The following RPIA variants were observed in gnomAD, a reference collection of about 807,000 sequenced individuals.
The protein encoded by RPIA is ribose 5-phosphate isomerase A.
RPIA carries 29 observed loss-of-function variants against 37.8 expected under a neutral mutation model. The ratio of observed to expected loss-of-function variants is 0.77; its 90% CI spans 0.57 to 1.05. The LOEUF is 1.05. Among genes scored for constraint, RPIA ranks in the 50% least tolerant of loss-of-function variants. The probability of loss-of-function intolerance (pLI) is 0.00; values close to 1 mark genes in which losing one functional copy is unlikely to be tolerated. For missense variants in RPIA, 385 were observed against 413.6 expected (o/e 0.93, Z 0.60); for synonymous variants, 167 against 157.0 (o/e 1.06, Z -0.48).
intron 8 of RPIA, among the ~76,000 whole-genome samples, chr2:88,748,394 T>C (rs1231601018): frequency 2.0e-5 from 3 of 152,228 alleles, no homozygotes; most frequent in Non-Finnish European, 4.4e-5. Flanking sequence ...TGCAGATTTT[T>C]GCTAGCAGGG....
In RPIA at chr2:88,691,731, C is replaced by G; in HGVS notation, c.33C>G (p.Tyr11Ter). The G allele has an allele frequency of 6.3e-7, 1 of 1,593,718 alleles. No homozygotes were observed. Among genetic ancestry groups the G allele is most frequent in the Non-Finnish European group, 8.5e-7 (1 of 1,175,156 alleles). Reference protein sequence around the residue: MQRPGPFSTLYGRVLAPLPGR... With the variant: MQRPGPFSTL Reference sequence around the variant, plus strand: ...GCCCCGGGCCCTTCAGCACCCTCTACGGGCGGGTCTTGGCCCCGCTGCCCG... The same window carrying G: ...GCCCCGGGCCCTTCAGCACCCTCTAGGGGCGGGTCTTGGCCCCGCTGCCCG... The change falls in exon 1 of 9, where the codon TAC (tyrosine) becomes TAG (stop). Residue 11 changes from tyrosine (Y) to a stop codon, truncating the protein, a stop_gained. Coordinates refer to ENST00000283646, the MANE Select transcript of RPIA (RefSeq NM_144563.3). LOFTEE classifies it high-confidence loss of function.
intron 2 of RPIA, 135 bp downstream of exon 2, chr2:88,698,679 A>G: frequency 1.2e-6 from 1 of 821,440 alleles, no homozygotes; most frequent in Non-Finnish European, 2.2e-6. Flanking sequence ...GAGAGGGACT[A>G]CCTGAGGTCA....
Position 88,750,483 on chromosome 2 carries a change from C to T in RPIA, c.*405C>T. ...TCTTTAAGCTGGTAAAGTGAGGGGC[C>T]CACCAGCAGTGATCTCCTGATGCCT... On this transcript the variant is annotated 3_prime_UTR_variant, in exon 9 of 9. Coordinates refer to ENST00000283646, the MANE Select transcript of RPIA (RefSeq NM_144563.3). 4.7e-6 allele frequency: 2 copies of T among 428,172 alleles called. No homozygotes were observed. Among genetic ancestry groups the T allele is most frequent in the South Asian group, 1.6e-4 (2 of 12,652 alleles). The allele number at this position is 428,172 out of a possible 1,614,324, so 26.5% of individuals were successfully genotyped here.
chr2:88,713,120 ATTTTTT>A (rs1553420200), intron 3 of RPIA, among the ~76,000 whole-genome samples: 1 of 65,280 alleles, frequency 1.5e-5, no homozygotes, highest in South Asian at 5.0e-4. Flanking sequence ...ATATATATAT[ATTTTTT>A]TTTTTTTTTT....
intron 8 of RPIA, 71 bp downstream of exon 8, chr2:88,738,147 C>A: frequency 9.5e-7 from 1 of 1,057,880 alleles, no homozygotes; most frequent in Non-Finnish European, 1.5e-6. Flanking sequence ...CATCTGGCCA[C>A]AGAAGGCACA....
intron 5 of RPIA, among the ~76,000 whole-genome samples, 181 bp downstream of exon 5, chr2:88,734,797 A>G (rs1673295576): frequency 6.6e-6 from 1 of 152,238 alleles, no homozygotes; most frequent in Non-Finnish European, 1.5e-5. Context: ...GCAGCAATTT[A>G]CTGACAAGGA....
intron 3 of RPIA, among the ~76,000 whole-genome samples, chr2:88,701,793 G>A (rs1469402808): frequency 1.3e-5 from 2 of 152,160 alleles, no homozygotes; most frequent in Non-Finnish European, 2.9e-5. Context: ...AGACAATAGA[G>A]GACCACCCTT....
In RPIA at chr2:88,738,082, A is replaced by G. The variant is rs770533953; in HGVS notation, c.838+6A>G. The G allele has an allele frequency of 1.2e-6, 2 of 1,605,952 alleles. No individual in the cohort carries two copies. Among genetic ancestry groups the G allele is most frequent in the Non-Finnish European group, 1.7e-6 (2 of 1,172,578 alleles). On this transcript the variant is annotated splice_donor_region_variant and intron_variant, in intron 8 of 8. Coordinates refer to ENST00000283646, the MANE Select transcript of RPIA (RefSeq NM_144563.3). ...AGCTATCAAAATGATCCCAGGTAACATGAGTGGTGTTCACCAGTCATATAC... is the reference window on the plus strand; with the variant it reads ...AGCTATCAAAATGATCCCAGGTAACGTGAGTGGTGTTCACCAGTCATATAC...
intron 8 of RPIA, among the ~76,000 whole-genome samples, chr2:88,742,944 G>C (rs1052281651): frequency 1.3e-5 from 2 of 152,096 alleles, no homozygotes; most frequent in African/African-American, 4.8e-5. Context: ...GAGCTTTTTG[G>C]ATGAGTCCTG....
At chr2:88,724,078 C>T (rs975335708) in intron 3 of RPIA, among the ~76,000 whole-genome samples, 2 of 152,122 alleles carry the variant, frequency 1.3e-5, no homozygotes, top group East Asian at 3.9e-4. Context: ...TAAGCAGTTC[C>T]CACCTTGATT....
In RPIA at chr2:88,750,162, A is replaced by C; in HGVS notation, c.*84A>C. On this transcript the variant is annotated 3_prime_UTR_variant, in exon 9 of 9. Coordinates refer to ENST00000283646, the MANE Select transcript of RPIA (RefSeq NM_144563.3). ...TACCTCTCCAGGAGCCTTTGCCTTA[A>C]TGTATCTCTGCCTGGACAACTTGTG... is the stretch of plus-strand genomic sequence containing the variant. 11 of 731,734 alleles carry C rather than the reference A, an allele frequency of 1.5e-5. No homozygotes were observed. The highest frequency in any genetic ancestry group is 8.1e-5 in the East Asian group (2 of 24,790). 45.3% of individuals were successfully genotyped at this position (731,734 alleles called of 1,614,324 possible).
At chr2:88,718,087 AAAG>A (rs1303305563) in intron 3 of RPIA, among the ~76,000 whole-genome samples, 18 of 152,206 alleles carry the variant, frequency 1.2e-4, no homozygotes, top group Non-Finnish European at 2.1e-4. Flanking sequence ...AGTGGGGAAA[AAAG>A]AAGGAAAAAA....
intron 3 of RPIA, among the ~76,000 whole-genome samples, chr2:88,707,241 C>T (rs1479742678): frequency 6.6e-6 from 1 of 151,972 alleles, no homozygotes; most frequent in Non-Finnish European, 1.5e-5. Context: ...CCATACCTTC[C>T]TTCTGAAAGA....
chr2:88,720,251 A>T (rs910624889), intron 3 of RPIA, among the ~76,000 whole-genome samples: 2 of 138,474 alleles, frequency 1.4e-5, no homozygotes, highest in African/African-American at 5.2e-5. Flanking sequence ...AATTTGTCTC[A>T]GTTTTTTTTC....
intron 3 of RPIA, among the ~76,000 whole-genome samples, chr2:88,717,721 G>T (rs1259557546): frequency 2.0e-5 from 3 of 152,064 alleles, no homozygotes; most frequent in Admixed American, 2.0e-4. Context: ...AGAAGAAAAT[G>T]AGTCTCTGGC....
intron 3 of RPIA, among the ~76,000 whole-genome samples, chr2:88,721,235 G>A (rs1558694506): frequency 6.6e-6 from 1 of 151,922 alleles, no homozygotes; most frequent in African/African-American, 2.4e-5. Flanking sequence ...GGCTAGGGGA[G>A]GAATAGCATT....
intron 3 of RPIA, among the ~76,000 whole-genome samples, chr2:88,719,677 CT>C (rs1365460645): frequency 1.3e-5 from 2 of 152,020 alleles, no homozygotes; most frequent in Non-Finnish European, 2.9e-5. Flanking sequence ...AGAGAGGAGA[CT>C]TAATTTGCCA....
intron 8 of RPIA, among the ~76,000 whole-genome samples, chr2:88,745,889 C>A (rs1459922706): frequency 6.6e-6 from 1 of 152,010 alleles, no homozygotes; most frequent in African/African-American, 2.4e-5. Context: ...TTTTTGATTT[C>A]TCTCCTCTCC....
chr2:88,742,534 C>G (rs139057996), intron 8 of RPIA, among the ~76,000 whole-genome samples: 122 of 152,152 alleles, frequency 8.0e-4, no homozygotes, highest in Middle Eastern at 3.4e-3. Context: ...TATGTGGGCT[C>G]TTTGCTTTTC....
Sources: allele counts gnomAD v4.1 joint callset (sites outside exome capture counted in the v4.1 genomes callset), GRCh38; gene constraint gnomAD v4.1.1; transcripts MANE v1.5; gene names NCBI Gene and HGNC (gene_info 2026-07-23, HGNC 2026-07-21).